DNAH7: variants seen among roughly 807,000 people sequenced by gnomAD.
DNAH7 encodes the protein axonemal beta dynein heavy chain 7.
DNAH7 carries 397 observed loss-of-function variants against 444.6 expected under a neutral mutation model. That is an observed-to-expected ratio of 0.89 (90% CI 0.82 to 0.97). DNAH7 has a LOEUF of 0.97. Among genes scored for constraint, DNAH7 ranks in the 50% least tolerant of loss-of-function variants. The pLI, the probability that DNAH7 is intolerant of heterozygous loss-of-function variation, is 0.00. For synonymous variants in DNAH7, 1,636 were observed against 1,624.4 expected (o/e 1.01, Z -0.17); for missense variants, 4,902 against 4,800.8 (o/e 1.02, Z -0.62).
At chr2:195,957,129 G>T in intron 19 of DNAH7, 132 bp downstream of exon 19, 2 of 745,310 alleles carry the variant, frequency 2.7e-6, no homozygotes, top group Non-Finnish European at 3.9e-6. Flanking sequence ...TAAAATAATA[G>T]CTGAAAAGAC....
rs376004266 is a variant in DNAH7 at position 195,777,997 on chromosome 2, C to A, written c.10879-12G>T. The A allele has an allele frequency of 6.3e-7, 1 of 1,580,396 alleles. No homozygotes were observed. The highest frequency in any genetic ancestry group is 2.3e-5 in the East Asian group (1 of 44,004). ...TCATACGGCAGTTCCTAAAATAGTG[C>A]GTGTCAGTCAACCAGTTATCAGTAG... On this transcript the variant is annotated splice_polypyrimidine_tract_variant and intron_variant, in intron 58 of 64. Coordinates refer to ENST00000312428, the MANE Select transcript of DNAH7 (RefSeq NM_018897.3).
chr2:195,789,900 A>C (rs1695797293), intron 57 of DNAH7, among the ~76,000 whole-genome samples: 1 of 152,196 alleles, frequency 6.6e-6, no homozygotes, highest in African/African-American at 2.4e-5. Context: ...CTTTGCTGAC[A>C]ATATGATTCT....
At chr2:196,004,077 G>GA (rs1288230901) in intron 10 of DNAH7, among the ~76,000 whole-genome samples, 3 of 152,162 alleles carry the variant, frequency 2.0e-5, no homozygotes, top group Non-Finnish European at 4.4e-5. Context: ...AGTCTTTTTA[G>GA]AACTGAGGAT....
At chr2:195,998,357 G>A (rs573792191) in intron 12 of DNAH7, among the ~76,000 whole-genome samples, 41 of 152,116 alleles carry the variant, frequency 2.7e-4, no homozygotes, top group African/African-American at 9.4e-4. Flanking sequence ...GGCGGATCAC[G>A]AGGTCAGGAA....
intron 55 of DNAH7, among the ~76,000 whole-genome samples, chr2:195,797,566 G>T (rs1482194633): frequency 6.6e-6 from 1 of 152,304 alleles, no homozygotes; most frequent in East Asian, 1.9e-4. Context: ...GGCTCAAAGG[G>T]TCGTCAAGCT....
At chr2:195,941,687 C>A (rs1041524935) in intron 19 of DNAH7, among the ~76,000 whole-genome samples, 1 of 152,072 alleles carries the variant, frequency 6.6e-6, no homozygotes, top group African/African-American at 2.4e-5. Flanking sequence ...TGCAAAATCC[C>A]TGGACAACAG....
At chr2:195,773,373 A>G (rs984370424) in intron 60 of DNAH7, among the ~76,000 whole-genome samples, 1 of 152,124 alleles carries the variant, frequency 6.6e-6, no homozygotes, top group African/African-American at 2.4e-5. Flanking sequence ...AAAGGCAGCA[A>G]AAACTCATTA....
intron 19 of DNAH7, among the ~76,000 whole-genome samples, chr2:195,937,473 A>G (rs1689132325): frequency 6.6e-6 from 1 of 152,156 alleles, no homozygotes; most frequent in Non-Finnish European, 1.5e-5. Flanking sequence ...TGATTCAAAC[A>G]CAATCAAATA....
At chr2:195,970,538 C>A (rs1039206797) in intron 16 of DNAH7, among the ~76,000 whole-genome samples, 1 of 152,222 alleles carries the variant, frequency 6.6e-6, no homozygotes, top group East Asian at 1.9e-4. Context: ...ACTCTGATAT[C>A]ATTTCAATCA....
intron 54 of DNAH7, among the ~76,000 whole-genome samples, chr2:195,803,181 T>C (rs182272418): frequency 1.3e-5 from 2 of 152,366 alleles, no homozygotes; most frequent in East Asian, 3.8e-4. Context: ...AATCTCTTTC[T>C]TCCCACGGCT....
At chr2:195,992,814 G>C (rs1003020795) in intron 12 of DNAH7, among the ~76,000 whole-genome samples, 1 of 152,144 alleles carries the variant, frequency 6.6e-6, no homozygotes, top group Non-Finnish European at 1.5e-5. Flanking sequence ...AACTTGGGAC[G>C]CCATTCCTGA....
chr2:195,773,588 T>C (rs530334714), intron 60 of DNAH7, among the ~76,000 whole-genome samples: 2 of 152,274 alleles, frequency 1.3e-5, no homozygotes, highest in East Asian at 1.9e-4. Context: ...TTAAGAGCAA[T>C]TGGGTCCTAT....
chr2:195,784,712 A>G (rs1055744945), intron 58 of DNAH7, among the ~76,000 whole-genome samples: 13 of 152,176 alleles, frequency 8.5e-5, no homozygotes, highest in African/African-American at 3.1e-4. Flanking sequence ...CCAGCAATTA[A>G]TGAGAGTTCC....
chr2:196,012,734 C>A (rs2125723418), intron 10 of DNAH7, 53 bp downstream of exon 10: 2 of 1,573,814 alleles, frequency 1.3e-6, no homozygotes, highest in South Asian at 2.4e-5. Flanking sequence ...TGCAGTAGCC[C>A]ACAATCATAT....
intron 27 of DNAH7, chr2:195,901,471 T>C (rs1047078124): frequency 3.9e-5 from 6 of 152,184 alleles, no homozygotes; most frequent in African/African-American, 1.4e-4. Flanking sequence ...ATTAGCTTTT[T>C]GTATCAATTC....
At chr2:195,989,975 C>T (rs575547052) in intron 12 of DNAH7, among the ~76,000 whole-genome samples, 3 of 152,084 alleles carry the variant, frequency 2.0e-5, no homozygotes, top group Non-Finnish European at 2.9e-5. Flanking sequence ...CTCTTTATAG[C>T]GATACAAGAA....
chr2:195,891,573 T>C, intron 31 of DNAH7, 82 bp downstream of exon 31: 1 of 1,247,714 alleles, frequency 8.0e-7, no homozygotes, highest in Non-Finnish European at 1.1e-6. Context: ...ACAATTAGTT[T>C]GTTTGAAAAA....
intron 46 of DNAH7, among the ~76,000 whole-genome samples, chr2:195,848,533 A>G (rs1699157045): frequency 1.3e-5 from 2 of 152,260 alleles, no homozygotes; most frequent in Admixed American, 6.5e-5. Flanking sequence ...GTGTGATTAT[A>G]GATTCTTCAG....
chr2:195,801,131 C>A (rs1696428303), intron 54 of DNAH7, among the ~76,000 whole-genome samples: 1 of 152,172 alleles, frequency 6.6e-6, no homozygotes, highest in Non-Finnish European at 1.5e-5. Flanking sequence ...ATGCTTCTTG[C>A]ACTTTCCAGC....
Sources: allele counts gnomAD v4.1 joint callset (sites outside exome capture counted in the v4.1 genomes callset), GRCh38; gene constraint gnomAD v4.1.1; transcripts MANE v1.5; gene names NCBI Gene and HGNC (gene_info 2026-07-23, HGNC 2026-07-21).